Variants in CUL5 observed in about 807,000 individuals in gnomAD.
The protein encoded by CUL5 is cullin 5.
CUL5 carries 26 observed loss-of-function variants against 108.8 expected under a neutral mutation model. The ratio of observed to expected loss-of-function variants is 0.24; its 90% CI spans 0.18 to 0.33. The LOEUF (loss-of-function observed/expected upper bound fraction) is 0.33, where lower values mean the gene tolerates loss of function less well. CUL5 is among the 10% of genes least tolerant of loss of function. The pLI, the probability that CUL5 is intolerant of heterozygous loss-of-function variation, is 1.00. For synonymous variants in CUL5, 334 were observed against 298.0 expected, an observed-to-expected ratio of 1.12 and a Z score of -1.25; for missense variants, 524 against 909.2, an observed-to-expected ratio of 0.58 and a Z score of 5.45.
intron 13 of CUL5, among the ~76,000 whole-genome samples, chr11:108,091,762 C>T (rs1261106699): frequency 6.7e-6 from 1 of 149,200 alleles, no homozygotes; most frequent in Non-Finnish European, 1.5e-5. Flanking sequence ...GCAAAGGATT[C>T]GAATTGACAT....
Position 108,009,392 on chromosome 11 carries a change from T to C in CUL5, c.24+20T>C, listed in dbSNP as rs1862001555. The C allele has an allele frequency of 6.2e-7, 1 of 1,613,260 alleles. No homozygotes were observed. Among genetic ancestry groups the C allele is most frequent in the African/African-American group, 1.3e-5 (1 of 74,852 alleles). On this transcript the variant is annotated intron_variant, in intron 1 of 18. Coordinates refer to ENST00000393094, the MANE Select transcript of CUL5 (RefSeq NM_003478.6). The stretch of plus-strand genomic sequence containing the variant: ...TTAAAGGTAAGACCCTCACTCCAGC[T>C]TGGGTTTTACTGTGTGGCCGCCGGG...
chr11:108,011,680 T>A (rs1862061093), intron 1 of CUL5, among the ~76,000 whole-genome samples: 1 of 151,526 alleles, frequency 6.6e-6, no homozygotes, highest in Non-Finnish European at 1.5e-5. Flanking sequence ...CAGGCTGGAG[T>A]TCAGTGGTGC....
intron 1 of CUL5, among the ~76,000 whole-genome samples, chr11:108,023,665 A>C (rs1862383088): frequency 1.3e-5 from 2 of 152,234 alleles, no homozygotes; most frequent in African/African-American, 4.8e-5. Flanking sequence ...AATGCACAGT[A>C]GAGTCTCAGA....
At chr11:108,019,644 CTA>C (rs1862281930) in intron 1 of CUL5, among the ~76,000 whole-genome samples, 2 of 152,094 alleles carry the variant, frequency 1.3e-5, no homozygotes, top group African/African-American at 4.8e-5. Flanking sequence ...GTACATAAAA[CTA>C]TTGTGCTGTC....
chr11:108,089,475 C>A lies in CUL5; in HGVS notation c.1312-17C>A. ...AAGAGTATATAAGAACTGAAAGTAACTTTATTTTTCATACAGCTCTTGGTA... is the reference window on the plus strand; with the variant it reads ...AAGAGTATATAAGAACTGAAAGTAAATTTATTTTTCATACAGCTCTTGGTA... On this transcript the variant is annotated splice_polypyrimidine_tract_variant and intron_variant, in intron 12 of 18. Transcript: ENST00000393094. The A allele has an allele frequency of 6.6e-7, 1 of 1,525,302 alleles. No homozygotes were observed. The allele number at this position is 1,525,302 out of a possible 1,614,324, so 94.5% of individuals were successfully genotyped here.
At chr11:108,086,275 CG>C (rs1422466814) in intron 11 of CUL5, among the ~76,000 whole-genome samples, 2 of 152,046 alleles carry the variant, frequency 1.3e-5, no homozygotes, top group African/African-American at 2.4e-5. Context: ...AAAACAGCCA[CG>C]GGGGAAAAAT....
rs1204056341 is a variant in CUL5, at chr11:108,094,530, T to G, written c.1567+16T>G. ...GCATTACCAGGTATTATTTTATAAT[T>G]ACATGTATATATTTTTTAAACTTAG... On this transcript the variant is annotated intron_variant, in intron 14 of 18. Transcript: ENST00000393094. 1 of 1,243,196 alleles carries G rather than the reference T, an allele frequency of 8.0e-7. No homozygotes were observed. Among genetic ancestry groups the G allele is most frequent in the African/African-American group, 1.5e-5 (1 of 64,618 alleles). 77.0% of individuals were successfully genotyped at this position (1,243,196 alleles called of 1,614,324 possible).
At chr11:108,052,826 T>C in intron 5 of CUL5, 25 bp downstream of exon 5, 1 of 1,577,192 alleles carries the variant, frequency 6.3e-7, no homozygotes, top group South Asian at 1.2e-5. Context: ...TTTATGATCA[T>C]AATTTCTGTT....
At chr11:108,078,075 G>T in intron 10 of CUL5, 101 bp from the exon 11 acceptor site, 1 of 653,896 alleles carries the variant, frequency 1.5e-6, no homozygotes, top group African/African-American at 1.9e-5. Flanking sequence ...TATACCATTA[G>T]AAATAAAAAC....
chr11:108,072,127 C>T (rs982060810), intron 8 of CUL5, among the ~76,000 whole-genome samples: 3 of 151,962 alleles, frequency 2.0e-5, no homozygotes, highest in Non-Finnish European at 2.9e-5. Flanking sequence ...TGCAGTGAGC[C>T]GTGATCGAGC....
intron 18 of CUL5, among the ~76,000 whole-genome samples, chr11:108,102,581 TCAACCTCC>T (rs1864699607): frequency 6.6e-6 from 1 of 152,044 alleles, no homozygotes. Context: ...TCCACCCACC[TCAACCTCC>T]CAAATTGCTG....
intron 10 of CUL5, among the ~76,000 whole-genome samples, chr11:108,074,772 C>G (rs1449655797): frequency 6.6e-6 from 1 of 152,054 alleles, no homozygotes; most frequent in South Asian, 2.1e-4. Context: ...TGCCATTGCA[C>G]TCCAGCCTGG....
chr11:108,013,464 G>C (rs1862103371), intron 1 of CUL5, among the ~76,000 whole-genome samples: 1 of 152,114 alleles, frequency 6.6e-6, no homozygotes, highest in Non-Finnish European at 1.5e-5. Flanking sequence ...CTGATAACTA[G>C]TATTCTCTCT....
chr11:108,095,827 G>A, intron 16 of CUL5, 136 bp downstream of exon 16: 1 of 773,194 alleles, frequency 1.3e-6, no homozygotes. Context: ...CGGGCACAGT[G>A]GATCACGCCT....
At chr11:108,089,947 A>G (rs7925170) in intron 13 of CUL5, among the ~76,000 whole-genome samples, 151,944 of 152,086 alleles carry the variant, frequency 1, 75,901 homozygotes, top group Non-Finnish European at 1. Flanking sequence ...GGCTGAGGCA[A>G]GAGAATCACT....
At chr11:108,027,986 G>A (rs1050549832) in intron 1 of CUL5, among the ~76,000 whole-genome samples, 4 of 151,968 alleles carry the variant, frequency 2.6e-5, no homozygotes, top group East Asian at 1.9e-4. Context: ...TCCTCTCTCC[G>A]CCTCTTAATG....
intron 10 of CUL5, among the ~76,000 whole-genome samples, chr11:108,074,617 C>G (rs1863903422): frequency 1.3e-5 from 2 of 151,878 alleles, no homozygotes; most frequent in Admixed American, 1.3e-4. Context: ...TCAGCCTGAT[C>G]AACATGGAGA....
At chr11:108,032,653 T>C (rs1336114818) in intron 1 of CUL5, among the ~76,000 whole-genome samples, 2 of 152,200 alleles carry the variant, frequency 1.3e-5, no homozygotes, top group Non-Finnish European at 2.9e-5. Context: ...GCACTACTTT[T>C]ACATTCCAGA....
chr11:108,031,520 A>C (rs1591283651), intron 1 of CUL5, among the ~76,000 whole-genome samples: 1 of 152,330 alleles, frequency 6.6e-6, no homozygotes, highest in Non-Finnish European at 1.5e-5. Context: ...ATGGCTAGCC[A>C]GTTATCCCAG....
Sources: allele counts gnomAD v4.1 joint callset (sites outside exome capture counted in the v4.1 genomes callset), GRCh38; gene constraint gnomAD v4.1.1; transcripts MANE v1.5; gene names NCBI Gene and HGNC (gene_info 2026-07-23, HGNC 2026-07-21).